The following MAX variants were observed in gnomAD, a reference collection of about 807,000 sequenced individuals.
MAX encodes protein max.
Under a neutral mutation model 22.3 loss-of-function variants are expected in MAX, and 3 were observed. That is an observed-to-expected ratio of 0.13 (90% CI 0.06 to 0.35). The LOEUF is 0.35. Among genes scored for constraint, MAX ranks in the 10% least tolerant of loss-of-function variants. The probability of loss-of-function intolerance (pLI) is 1.00; values close to 1 mark genes in which losing one functional copy is unlikely to be tolerated. For synonymous variants in MAX, 72 were observed against 77.7 expected (o/e 0.93, Z 0.39); for missense variants, 119 against 209.4 (o/e 0.57, Z 2.66).
At position 65,012,278 on chromosome 14, in the gene MAX, A is replaced by G. The variant is rs2061695707; in HGVS notation, c.172-5994T>C. 2 of 1,613,246 alleles carry G rather than the reference A, an allele frequency of 1.2e-6. No individual in the cohort carries two copies. Among genetic ancestry groups the G allele is most frequent in the Non-Finnish European group, 1.7e-6 (2 of 1,179,356 alleles). Reference sequence around the variant, plus strand: ...CATACGTGTGTATGGTGGAAGCATAAGCTATTAGAATGGGCTTATAAACTG... The same window carrying G: ...CATACGTGTGTATGGTGGAAGCATAGGCTATTAGAATGGGCTTATAAACTG... On this transcript the variant is annotated intron_variant, in intron 3 of 3. Transcript: ENST00000341653. The surrounding 1 kb of genome is among the most constrained non-coding windows in gnomAD (Gnocchi z 5.0).
chr14:65,100,445 T>C (rs113538037), intron 2 of MAX, among the ~76,000 whole-genome samples: 1 of 152,022 alleles, frequency 6.6e-6, no homozygotes, highest in Non-Finnish European at 1.5e-5. Flanking sequence ...TGAGACTCTG[T>C]CTCAAAAATA....
At chr14:65,083,815 C>T (rs1468816538) in intron 3 of MAX, 53 of 1,125,528 alleles carry the variant, frequency 4.7e-5, no homozygotes, top group Non-Finnish European at 5.4e-5. Context: ...TTTCTGAAAC[C>T]TGTGTAAGCT....
At chr14:65,099,957 T>C (rs1013704789) in intron 2 of MAX, among the ~76,000 whole-genome samples, 1 of 152,240 alleles carries the variant, frequency 6.6e-6, no homozygotes, top group Non-Finnish European at 1.5e-5. Flanking sequence ...TTAGACAACC[T>C]GCACAATCTT....
chr14:65,032,722 G>C lies in MAX; in HGVS notation c.172-26438C>G. The C allele has an allele frequency of 1.2e-6, 2 of 1,606,898 alleles. No individual in the cohort carries two copies. Among genetic ancestry groups the C allele is most frequent in the Non-Finnish European group, 1.7e-6 (2 of 1,177,320 alleles). On this transcript the variant is annotated intron_variant, in intron 3 of 3. Transcript: ENST00000341653. This position sits in a 1 kb window ranked among gnomAD's most constrained non-coding sequence, Gnocchi z 5.0. ...GTGAGAGAAGCCAGGGTTTCTCCTG[G>C]CCTCTTGGAGAGCAGGCGGTCACGA... is the stretch of plus-strand genomic sequence containing the variant.
At chr14:65,035,221 C>T (rs1156335920) in intron 3 of MAX, among the ~76,000 whole-genome samples, 10 of 152,146 alleles carry the variant, frequency 6.6e-5, no homozygotes, top group South Asian at 2.1e-4. Flanking sequence ...CTGCTGCTGC[C>T]GCCCTGGGCT....
At chr14:65,056,381 CAT>C (rs2062737671) in intron 3 of MAX, among the ~76,000 whole-genome samples, 1 of 152,154 alleles carries the variant, frequency 6.6e-6, no homozygotes, top group African/African-American at 2.4e-5. Context: ...ATTGGGTTCA[CAT>C]GTTAGAATGT....
chr14:65,024,929 G>T (rs529422699), intron 3 of MAX, among the ~76,000 whole-genome samples: 210 of 151,758 alleles, frequency 1.4e-3, no homozygotes, highest in South Asian at 5.0e-3. Context: ...CCTTTTTTTT[G>T]TTTGTTTGTT....
intron 3 of MAX, among the ~76,000 whole-genome samples, chr14:65,045,908 T>C (rs1676121790): frequency 6.6e-6 from 1 of 152,252 alleles, no homozygotes; most frequent in African/African-American, 2.4e-5. Flanking sequence ...GCAAGTGCAC[T>C]GACTTTGGAG....
At chr14:65,043,451 G>A (rs1032252129) in intron 3 of MAX, among the ~76,000 whole-genome samples, 1 of 152,192 alleles carries the variant, frequency 6.6e-6, no homozygotes, top group African/African-American at 2.4e-5. Flanking sequence ...AGGCCTGCTA[G>A]TGACTTGCTA....
Position 65,101,576 on chromosome 14 carries a change from G to A in MAX, c.37-4C>T, listed in dbSNP as rs747811786. 3.3e-5 allele frequency: 52 copies of A among 1,592,928 alleles called. 1 individual carries two copies. The South Asian group carries it at 5.7e-4, about 17-fold the overall frequency. On this transcript the variant is annotated splice_polypyrimidine_tract_variant and splice_region_variant and intron_variant, in intron 1 of 4. Coordinates refer to ENST00000358664, the MANE Select transcript of MAX (RefSeq NM_002382.5). The stretch of plus-strand genomic sequence containing the variant: ...ATTGAAACCTCGGTTGCTCTTCCTG[G>A]AATAAGAGAGAAAAAAAAAAATAGA...
intron 3 of MAX, among the ~76,000 whole-genome samples, chr14:65,008,436 CCTGCCCCTG>C (rs1258094834): frequency 6.6e-6 from 1 of 152,210 alleles, no homozygotes; most frequent in Admixed American, 6.5e-5. Context: ...TAGCCCTGGG[CCTGCCCCTG>C]CTGGGCTCTT....
At chr14:65,070,394 C>A (rs183540838), downstream of MAX, among the ~76,000 whole-genome samples, 49 of 152,274 alleles carry the variant, frequency 3.2e-4, no homozygotes, top group Non-Finnish European at 5.0e-4. The surrounding 1 kb of genome is among the most constrained non-coding windows in gnomAD (Gnocchi z 4.4). Flanking sequence ...TAGCAGAGAC[C>A]GTGCTACATA....
Position 65,069,667 on chromosome 14 carries a change from T to G in MAX, c.171+24041A>C, listed in dbSNP as rs1474268714. Among the ~76,000 whole-genome samples the G allele has an allele frequency of 6.6e-6, 1 of 152,134 alleles. No homozygotes were observed. Among genetic ancestry groups the G allele is most frequent in the Non-Finnish European group, 1.5e-5 (1 of 68,026 alleles). ...TGGAGTCCACTGGCACACGCACATA[T>G]GCATGCAGCATTTGTAGAGTACCCA... On this transcript the variant is annotated intron_variant, in intron 3 of 3. Coordinates refer to the MAX transcript ENST00000341653. The surrounding 1 kb of genome is among the most constrained non-coding windows in gnomAD (Gnocchi z 4.6).
chr14:65,070,836 G>A (rs552735519), downstream of MAX, among the ~76,000 whole-genome samples: 24 of 152,348 alleles, frequency 1.6e-4, no homozygotes, highest in African/African-American at 5.3e-4. This position sits in a 1 kb window ranked among gnomAD's most constrained non-coding sequence, Gnocchi z 4.4. Flanking sequence ...TGCAGTATCT[G>A]CACCTGGCAC....
chr14:65,076,465 C>A lies in MAX; in HGVS notation c.*11G>T, dbSNP rs898451962. The A allele has an allele frequency of 1.2e-6, 2 of 1,612,858 alleles. No individual in the cohort carries two copies. The highest frequency in any genetic ancestry group is 1.3e-5 in the African/African-American group (1 of 74,998). On this transcript the variant is annotated 3_prime_UTR_variant, in exon 5 of 5. Transcript: ENST00000358664. The surrounding 1 kb of genome is among the most constrained non-coding windows in gnomAD (Gnocchi z 6.6). ...ACAGACAGTTTTTATTGCTGGCCTG[C>A]CCCGAGTGGCTTAGCTGGCCTCCAT...
At chr14:65,016,574 G>C (rs1235042377) in intron 3 of MAX, 1 of 152,184 alleles carries the variant, frequency 6.6e-6, no homozygotes, top group Non-Finnish European at 1.5e-5. Context: ...GGGACACACA[G>C]AGGCCTAGCC....
At chr14:65,021,295 A>C (rs1446525003) in intron 3 of MAX, among the ~76,000 whole-genome samples, 1 of 152,198 alleles carries the variant, frequency 6.6e-6, no homozygotes, top group Non-Finnish European at 1.5e-5. Flanking sequence ...TTAACTTAAA[A>C]ACCATTTTAG....
At chr14:65,074,364 T>C (rs1213166081), downstream of MAX, among the ~76,000 whole-genome samples, 3 of 152,196 alleles carry the variant, frequency 2.0e-5, no homozygotes, top group East Asian at 1.9e-4. Context: ...CTTTGGAGGC[T>C]TGATCATGTT....
At chr14:65,058,821 CTG>C (rs1043185030) in intron 3 of MAX, among the ~76,000 whole-genome samples, 4 of 152,072 alleles carry the variant, frequency 2.6e-5, no homozygotes, top group Non-Finnish European at 4.4e-5. Context: ...GTGTCTGTGT[CTG>C]TGTGTTTTGT....
Sources: gnomAD v4.1 joint callset for allele counts (sites outside exome capture counted in the v4.1 genomes callset) on GRCh38, gnomAD v4.1.1 for gene constraint, Gnocchi (gnomAD v3.1) non-coding constraint, MANE v1.5 for transcripts, NCBI Gene and HGNC (gene_info 2026-07-23, HGNC 2026-07-21) for gene names.